Variants in ADGRB3 observed in about 807,000 individuals in gnomAD.
The protein encoded by ADGRB3 is brain-specific angiogenesis inhibitor 3.
ADGRB3 carries 37 observed loss-of-function variants against 193.4 expected under a neutral mutation model. The ratio of observed to expected loss-of-function variants is 0.19; its 90% CI spans 0.15 to 0.25. ADGRB3 has a LOEUF of 0.25. Ranked by LOEUF, ADGRB3 falls within the 10% of genes least tolerant of loss-of-function variation. ADGRB3 has a pLI of 1.00. For missense variants in ADGRB3, 1,637 were observed against 1,852.9 expected, an observed-to-expected ratio of 0.88 and a Z score of 2.14; for synonymous variants, 690 against 644.2, an observed-to-expected ratio of 1.07 and a Z score of -1.08.
chr6:68,657,293 TG>T (rs1259443579), intron 3 of ADGRB3, among the ~76,000 whole-genome samples: 2 of 151,346 alleles, frequency 1.3e-5, no homozygotes, highest in African/African-American at 4.8e-5. Flanking sequence ...CAGAACTATT[TG>T]TTTTCTGTAG....
At chr6:68,778,740 C>A (rs902207571) in intron 3 of ADGRB3, among the ~76,000 whole-genome samples, 23 of 152,176 alleles carry the variant, frequency 1.5e-4, no homozygotes, top group African/African-American at 5.1e-4. Flanking sequence ...GAACTATATA[C>A]TTATATATCC....
rs531794240 is a variant in ADGRB3 at position 68,932,912 on chromosome 6, T to C, written c.868+2243T>C. The stretch of plus-strand genomic sequence containing the variant: ...TCTCAAAATGAGTAAACTGGCCTCT[T>C]CAATCAATATGATCAGTAAAAGATT... On this transcript the variant is annotated intron_variant, in intron 4 of 31. Transcript: ENST00000370598. Among the ~76,000 whole-genome samples, 412 of 95,430 alleles carry C rather than the reference T, an allele frequency of 4.3e-3. 1 individual carries two copies. Among genetic ancestry groups the C allele is most frequent in the South Asian group, 0.019 (61 of 3,260 alleles). The allele number at this position is 95,430 out of a possible 152,430, so 62.6% of individuals were successfully genotyped here. A position where few individuals can be genotyped will look rare whatever the true frequency, so the allele number is the denominator to read the frequency against.
chr6:69,343,971 A>C (rs1205908752), intron 26 of ADGRB3, among the ~76,000 whole-genome samples: 1 of 152,330 alleles, frequency 6.6e-6, no homozygotes, highest in South Asian at 2.1e-4. Flanking sequence ...GAAGGACACA[A>C]GAGTTATGAA....
chr6:68,711,980 G>A (rs539512028), intron 3 of ADGRB3, among the ~76,000 whole-genome samples: 2 of 152,104 alleles, frequency 1.3e-5, no homozygotes, highest in East Asian at 3.9e-4. Flanking sequence ...TAGGTTTAAT[G>A]GGAATGTATC....
intron 17 of ADGRB3, among the ~76,000 whole-genome samples, chr6:69,093,431 C>T (rs1390581726): frequency 2.0e-5 from 3 of 150,454 alleles, no homozygotes; most frequent in Non-Finnish European, 4.4e-5. Context: ...GAATGTGCAG[C>T]CTCAGTTTAA....
At chr6:69,150,826 C>A (rs1774652396) in intron 17 of ADGRB3, among the ~76,000 whole-genome samples, 1 of 152,138 alleles carries the variant, frequency 6.6e-6, no homozygotes, top group South Asian at 2.1e-4. Flanking sequence ...GGTGATGAAT[C>A]CTGTCAGGAC....
intron 25 of ADGRB3, 43 bp downstream of exon 25, chr6:69,339,057 C>G: frequency 6.3e-7 from 1 of 1,593,622 alleles, no homozygotes; most frequent in Non-Finnish European, 8.6e-7. Context: ...AAATCTTTTA[C>G]AGTGCATGTG....
chr6:69,367,878 C>T (rs988644230), intron 29 of ADGRB3, among the ~76,000 whole-genome samples: 27 of 151,352 alleles, frequency 1.8e-4, no homozygotes, highest in South Asian at 2.1e-4. Context: ...CATCATTCTC[C>T]GTAAACTATC....
chr6:68,997,509 A>T (rs1279246159), intron 11 of ADGRB3, among the ~76,000 whole-genome samples: 1 of 149,380 alleles, frequency 6.7e-6, no homozygotes, highest in Non-Finnish European at 1.5e-5. Flanking sequence ...AAAAAAAAAA[A>T]GCAGTGCATG....
At chr6:68,897,208 G>A (rs1324768356) in intron 3 of ADGRB3, among the ~76,000 whole-genome samples, 3 of 151,800 alleles carry the variant, frequency 2.0e-5, no homozygotes, top group Non-Finnish European at 4.4e-5. Flanking sequence ...AAGAAATACA[G>A]AGAGGTTTGG....
chr6:68,984,743 A>C (rs192033065), intron 10 of ADGRB3, among the ~76,000 whole-genome samples: 262 of 152,304 alleles, frequency 1.7e-3, no homozygotes, highest in Non-Finnish European at 2.6e-3. Context: ...AGGCAAAAAG[A>C]AATGTTAGCC....
intron 17 of ADGRB3, among the ~76,000 whole-genome samples, chr6:69,109,554 T>C (rs567840114): frequency 6.6e-6 from 1 of 152,344 alleles, no homozygotes; most frequent in Admixed American, 6.5e-5. Context: ...ATGAGGTAGG[T>C]ATCAGTAACC....
At chr6:68,685,178 G>A (rs1228137219) in intron 3 of ADGRB3, among the ~76,000 whole-genome samples, 1 of 151,848 alleles carries the variant, frequency 6.6e-6, no homozygotes, top group Non-Finnish European at 1.5e-5. Context: ...AATAAGTTAA[G>A]GAATACCCAT....
At chr6:68,704,764 A>G (rs571160870) in intron 3 of ADGRB3, among the ~76,000 whole-genome samples, 6 of 152,182 alleles carry the variant, frequency 3.9e-5, no homozygotes, top group Admixed American at 2.6e-4. Flanking sequence ...TTTAGCAGGT[A>G]AAGCTTGAAA....
intron 3 of ADGRB3, among the ~76,000 whole-genome samples, chr6:68,801,604 G>A (rs570018820): frequency 3.3e-5 from 5 of 152,092 alleles, no homozygotes; most frequent in Admixed American, 1.3e-4. Flanking sequence ...CAAGAGAATC[G>A]TTTGAACGCG....
At chr6:68,680,747 GTATATAAAA>G (rs1764880341) in intron 3 of ADGRB3, among the ~76,000 whole-genome samples, 1 of 152,124 alleles carries the variant, frequency 6.6e-6, no homozygotes, top group Non-Finnish European at 1.5e-5. Context: ...TCATACACAT[GTATATAAAA>G]TAGGTAAATA....
At chr6:68,754,773 A>G (rs910006100) in intron 3 of ADGRB3, among the ~76,000 whole-genome samples, 3 of 152,056 alleles carry the variant, frequency 2.0e-5, no homozygotes, top group Non-Finnish European at 1.5e-5. Context: ...GGTTGAAGAT[A>G]TCAACATGTA....
chr6:69,324,960 T>C lies in ADGRB3; in HGVS notation c.2903T>C (p.Met968Thr). ...WVLTEAWQSY[M>T]AVTGKIRTRL... ...TTGACTGAGGCGTGGCAATCATATA[T>C]GGCTGTAACTGGAAAAATTAGGACA... The change falls in exon 21 of 32, where the codon ATG (methionine) becomes ACG (threonine). Residue 968 changes from methionine (M) to threonine (T), a missense_variant. Coordinates refer to ENST00000370598, the MANE Select transcript of ADGRB3 (RefSeq NM_001704.3). 6.2e-7 allele frequency: 1 copy of C among 1,613,982 alleles called. No individual in the cohort carries two copies. The highest frequency in any genetic ancestry group is 8.5e-7 in the Non-Finnish European group (1 of 1,179,914).
At chr6:69,249,943 A>C (rs1365296414) in intron 20 of ADGRB3, among the ~76,000 whole-genome samples, 1 of 152,212 alleles carries the variant, frequency 6.6e-6, no homozygotes, top group Non-Finnish European at 1.5e-5. Context: ...ATTTATAGTT[A>C]TCTTAGGCTG....
Sources: allele counts gnomAD v4.1 joint callset (sites outside exome capture counted in the v4.1 genomes callset), GRCh38; gene constraint gnomAD v4.1.1; transcripts MANE v1.5; gene names NCBI Gene and HGNC (gene_info 2026-07-23, HGNC 2026-07-21).